SDSL: variants seen among roughly 807,000 people sequenced by gnomAD.
SDSL encodes the protein serine dehydratase-like.
Under a neutral mutation model 27.6 loss-of-function variants are expected in SDSL, and 26 were observed. The observed-to-expected ratio is 0.94, with a 90% confidence interval of 0.69 to 1.31. SDSL has a LOEUF of 1.31. SDSL is among the 50% of genes most tolerant of loss of function. The probability of loss-of-function intolerance (pLI) is 0.00; values close to 1 mark genes in which losing one functional copy is unlikely to be tolerated. For missense variants in SDSL, 431 were observed against 423.5 expected (o/e 1.02, Z -0.16); for synonymous variants, 196 against 180.6 (o/e 1.09, Z -0.69).
chr12:113,435,523 C>G lies in SDSL; in HGVS notation c.638C>G (p.Ala213Gly), dbSNP rs1309252070. Residue 213 changes from alanine to glycine, a missense_variant, in exon 6 of 8, where the codon GCC (alanine) becomes GGC (glycine). Transcript: ENST00000403593. ...CACTGCTTCAATGCGGCCATCACAG[C>G]CGGCAAGCTGGTCACACTTCCAGAC... ...GAHCFNAAITAGKLVTLPDIT... is the reference protein window; with the variant it reads ...GAHCFNAAITGGKLVTLPDIT... 18 of 1,613,702 alleles carry G rather than the reference C, an allele frequency of 1.1e-5. No individual in the cohort carries two copies. In the South Asian group the frequency reaches 1.9e-4, roughly 17 times the overall value.
rs1188051795 is a variant in SDSL at position 113,432,253 on chromosome 12, TTTCTTTCTTTC to T, written c.355-1878_355-1868del. Among the ~76,000 whole-genome samples the T allele has an allele frequency of 3.5e-3, 494 of 143,036 alleles. 2 individuals are homozygous for T. The highest frequency in any genetic ancestry group is 7.8e-3 in the Admixed American group (112 of 14,368). The allele number at this position is 143,036 out of a possible 152,430, so 93.8% of individuals were successfully genotyped here. ...CTTTCTTTCTTTCTTTCTTTCTTTC[TTTCTTTCTTTC>T]TTTCTTTCTTTCTTTCTTTCTTTCT... is the stretch of plus-strand genomic sequence containing the variant. On this transcript the variant is annotated intron_variant, in intron 4 of 7. Transcript: ENST00000403593.
intron 6 of SDSL, among the ~76,000 whole-genome samples, 182 bp from the exon 7 acceptor site, chr12:113,436,569 G>A (rs184738620): frequency 3.9e-5 from 6 of 152,236 alleles, no homozygotes; most frequent in East Asian, 1.9e-4. Context: ...GATTACAGGC[G>A]TGAGCCACTG....
chr12:113,429,287 G>C lies in SDSL; in HGVS notation c.342G>C (p.Gln114His). ...QRLQGEGAEV[Q>H]LTGKVWDEAN... ...TGCAGGGGGAGGGGGCCGAGGTTCA[G>C]CTGACTGGAAAGGTAAGGGCTCTGG... The change falls in exon 4 of 8, where the codon CAG becomes CAC. Residue 114 changes from glutamine to histidine, a missense_variant. Transcript: ENST00000403593. 1 of 1,610,992 alleles carries C rather than the reference G, an allele frequency of 6.2e-7. No individual in the cohort carries two copies. The highest frequency in any genetic ancestry group is 1.7e-4 in the Middle Eastern group (1 of 6,048).
intron 4 of SDSL, among the ~76,000 whole-genome samples, chr12:113,432,220 CTTTCTTTCTTTCTTTCTTTCTTT>C (rs1957931755): frequency 1.5e-4 from 1 of 6,722 alleles, no homozygotes; most frequent in Non-Finnish European, 3.8e-4. Context: ...TTCTTTCTTT[CTTTCTTTCTTTCTTTCTTTCTTT>C]CTTTCTTTCT....
At chr12:113,431,911 ATTTTTTTT>A (rs34838365) in intron 4 of SDSL, among the ~76,000 whole-genome samples, 1 of 131,700 alleles carries the variant, frequency 7.6e-6, no homozygotes, top group Non-Finnish European at 1.6e-5. Flanking sequence ...ACGCCTGGCT[ATTTTTTTT>A]TTTTTTTTTG....
chr12:113,429,436 T>C (rs1309355877), intron 4 of SDSL, 137 bp downstream of exon 4: 3 of 987,578 alleles, frequency 3.0e-6, no homozygotes, highest in East Asian at 2.6e-5. Flanking sequence ...ATAGCTGAGC[T>C]GAGGGGGGAA....
intron 5 of SDSL, 46 bp from the exon 6 acceptor site, chr12:113,435,283 G>A: frequency 7.4e-7 from 1 of 1,358,250 alleles, no homozygotes. Flanking sequence ...CATCTGGGCT[G>A]GGGTCCTCCC....
At chr12:113,431,007 A>G (rs1402940153) in intron 4 of SDSL, among the ~76,000 whole-genome samples, 3 of 152,228 alleles carry the variant, frequency 2.0e-5, no homozygotes, top group African/African-American at 7.2e-5. Context: ...GCTGTGCCTT[A>G]GATTTGGGGA....
chr12:113,422,708 G>C (rs1271238158), intron 1 of SDSL: 1 of 152,324 alleles, frequency 6.6e-6, no homozygotes, highest in Non-Finnish European at 1.5e-5. Context: ...AGTGGGTTCT[G>C]CCTGCCAGAG....
At chr12:113,427,478 T>C (rs1038902962) in intron 1 of SDSL, among the ~76,000 whole-genome samples, 3 of 152,258 alleles carry the variant, frequency 2.0e-5, no homozygotes, top group Admixed American at 6.5e-5. Flanking sequence ...CAAACGTTTT[T>C]ACAAAGTTTT....
intron 5 of SDSL, 113 bp from the exon 6 acceptor site, chr12:113,435,216 T>G (rs919867578): frequency 1.6e-6 from 1 of 636,848 alleles, no homozygotes; most frequent in South Asian, 2.1e-5. Context: ...GGGGAGGGGT[T>G]TATGTATATG....
intron 4 of SDSL, among the ~76,000 whole-genome samples, chr12:113,432,232 CTTTCTTTCTTTCTTT>C (rs1265056918): frequency 1.0e-5 from 1 of 96,732 alleles, no homozygotes; most frequent in Non-Finnish European, 2.3e-5. Context: ...TTCTTTCTTT[CTTTCTTTCTTTCTTT>C]CTTTCTTTCT....
chr12:113,429,046 TG>T, intron 3 of SDSL, 113 bp from the exon 4 acceptor site: 1 of 1,255,340 alleles, frequency 8.0e-7, no homozygotes, highest in South Asian at 1.5e-5. Flanking sequence ...AAGGAGTCAA[TG>T]GGGCATATGA....
At chr12:113,423,380 G>T (rs916636353) in intron 1 of SDSL, among the ~76,000 whole-genome samples, 1 of 152,252 alleles carries the variant, frequency 6.6e-6, no homozygotes, top group Non-Finnish European at 1.5e-5. Context: ...TGTGAACTTG[G>T]ATAAGTTACT....
At chr12:113,425,746 A>C (rs1320913350) in intron 1 of SDSL, 2 of 455,778 alleles carry the variant, frequency 4.4e-6, no homozygotes. Flanking sequence ...TAGTCCCAGC[A>C]CTTCGGGAGG....
intron 4 of SDSL, among the ~76,000 whole-genome samples, chr12:113,432,492 C>T (rs1957947408): frequency 6.6e-6 from 1 of 151,882 alleles, no homozygotes; most frequent in Admixed American, 6.6e-5. Flanking sequence ...CAGGTGCACG[C>T]CACCACACCC....
intron 7 of SDSL, 150 bp downstream of exon 7, chr12:113,437,025 G>A: frequency 1.4e-6 from 1 of 689,902 alleles, no homozygotes; most frequent in East Asian, 3.5e-5. Context: ...TCGAGTAGAT[G>A]GAAGGGGGTG....
chr12:113,425,301 G>C (rs934331835), intron 1 of SDSL, among the ~76,000 whole-genome samples: 4 of 152,156 alleles, frequency 2.6e-5, no homozygotes, highest in Admixed American at 2.6e-4. Context: ...CCTGATGCCC[G>C]AAGCTGAGAG....
At position 113,428,269 on chromosome 12, in the gene SDSL, G is replaced by A. The variant is rs1257453708; in HGVS notation, c.174+113G>A. 4.6e-6 allele frequency: 6 copies of A among 1,312,912 alleles called. No individual in the cohort carries two copies. In the African/African-American group the frequency reaches 5.8e-5, roughly 13 times the overall value. The allele number at this position is 1,312,912 out of a possible 1,614,324, so 81.3% of individuals were successfully genotyped here. ...AGGAGGGGAAACATGAACTCGTGCA[G>A]ATGGGAGGGGAAAGGTAAGGGCAGG... On this transcript the variant is annotated intron_variant, in intron 2 of 7. Transcript: ENST00000403593.
Sources: allele counts gnomAD v4.1 joint callset (sites outside exome capture counted in the v4.1 genomes callset), GRCh38; gene constraint gnomAD v4.1.1; transcripts MANE v1.5; gene names NCBI Gene and HGNC (gene_info 2026-07-23, HGNC 2026-07-21).